The following PRKCZ variants were observed in gnomAD, a reference collection of about 807,000 sequenced individuals.
The protein encoded by PRKCZ is protein kinase C zeta.
A neutral mutation model predicts 79.5 loss-of-function variants in PRKCZ; 33 were observed. The ratio of observed to expected loss-of-function variants is 0.41; its 90% CI spans 0.31 to 0.55. PRKCZ has a LOEUF of 0.55. Among genes scored for constraint, PRKCZ ranks in the 20% least tolerant of loss-of-function variants. PRKCZ has a pLI of 0.19. For missense variants in PRKCZ, 578 were observed against 813.5 expected (o/e 0.71, Z 3.52); for synonymous variants, 342 against 320.9 (o/e 1.07, Z -0.70).
At chr1:2,062,413 A>G (rs1168804534) in intron 4 of PRKCZ, among the ~76,000 whole-genome samples, 1 of 151,166 alleles carries the variant, frequency 6.6e-6, no homozygotes, top group Admixed American at 6.6e-5. Context: ...ATGATGGGGC[A>G]TTCTTGGCGC....
At chr1:2,093,068 T>A (rs9729600) in intron 4 of PRKCZ, among the ~76,000 whole-genome samples, 1 of 152,224 alleles carries the variant, frequency 6.6e-6, no homozygotes, top group Non-Finnish European at 1.5e-5. Context: ...GAGATGCCAA[T>A]GTGATGGGTG....
At chr1:2,071,350 G>A (rs1199606180) in intron 4 of PRKCZ, 1 of 468,536 alleles carries the variant, frequency 2.1e-6, no homozygotes, top group South Asian at 1.5e-5. Flanking sequence ...CCAGGCCCCG[G>A]CGGCGTCTGA....
intron 4 of PRKCZ, among the ~76,000 whole-genome samples, chr1:2,132,440 G>C (rs945870570): frequency 6.6e-6 from 1 of 152,212 alleles, no homozygotes; most frequent in Admixed American, 6.5e-5. Context: ...GAGCTGCGAG[G>C]CTCTCCCAGA....
chr1:2,118,917 C>T (rs917790923), intron 4 of PRKCZ, among the ~76,000 whole-genome samples: 3 of 151,932 alleles, frequency 2.0e-5, no homozygotes, highest in Non-Finnish European at 4.4e-5. Flanking sequence ...AGATTTAGTC[C>T]GTTTACATTT....
At chr1:2,053,879 T>C (rs912285131) in intron 1 of PRKCZ, among the ~76,000 whole-genome samples, 2 of 152,196 alleles carry the variant, frequency 1.3e-5, no homozygotes, top group African/African-American at 4.8e-5. Context: ...TGCTGTGGGC[T>C]GTGGCGAAGA....
chr1:2,094,447 G>A lies in PRKCZ; in HGVS notation c.334+34856G>A, dbSNP rs35994109. ...GGGCGCTGCCCGTTCTGAGGCACCC[G>A]CTGTGCCCGGCTCGTTGAACCTTGG... is the stretch of plus-strand genomic sequence containing the variant. On this transcript the variant is annotated intron_variant, in intron 4 of 17. Transcript: ENST00000378567. The surrounding 1 kb of genome is among the most constrained non-coding windows in gnomAD (Gnocchi z 7.3). 0.092 allele frequency among the ~76,000 whole-genome samples: 13,239 copies of A among 143,286 alleles called. 764 individuals carry two copies. Among genetic ancestry groups the A allele is most frequent in the Middle Eastern group, 0.14 (41 of 286 alleles). 94.0% of individuals were successfully genotyped at this position (143,286 alleles called of 152,430 possible). A position where few individuals can be genotyped will look rare whatever the true frequency, so the allele number is the denominator to read the frequency against.
chr1:2,100,806 G>C (rs1352348443), intron 4 of PRKCZ, among the ~76,000 whole-genome samples: 2 of 151,972 alleles, frequency 1.3e-5, no homozygotes, highest in African/African-American at 4.8e-5. Flanking sequence ...AGGGAGTTTT[G>C]GTCTTGCTAG....
chr1:2,166,840 C>T (rs1260939248), intron 10 of PRKCZ, among the ~76,000 whole-genome samples: 1 of 152,246 alleles, frequency 6.6e-6, no homozygotes, highest in Non-Finnish European at 1.5e-5. Flanking sequence ...CCTGGCCTGG[C>T]CTTGCGCCCC....
At chr1:2,090,370 C>T (rs1454335803) in intron 4 of PRKCZ, among the ~76,000 whole-genome samples, 1 of 152,180 alleles carries the variant, frequency 6.6e-6, no homozygotes, top group Non-Finnish European at 1.5e-5. Flanking sequence ...TTGTAGCCGT[C>T]AGGGAGCACC....
At chr1:2,146,514 T>C (rs1678562723) in intron 7 of PRKCZ, among the ~76,000 whole-genome samples, 1 of 152,262 alleles carries the variant, frequency 6.6e-6, no homozygotes, top group Non-Finnish European at 1.5e-5. Context: ...GCGAGGTGGC[T>C]GCTGCACACA....
intron 4 of PRKCZ, among the ~76,000 whole-genome samples, chr1:2,093,443 G>A (rs1177158384): frequency 1.3e-5 from 2 of 152,128 alleles, no homozygotes; most frequent in African/African-American, 2.4e-5. Flanking sequence ...ACTCTGGGAC[G>A]CTGTGACTTG....
chr1:2,149,915 TTGGGAAGC>T lies in PRKCZ; in HGVS notation c.688-872_688-865del, dbSNP rs1170643796. Among the ~76,000 whole-genome samples, 2 of 149,690 alleles carry T rather than the reference TTGGGAAGC, an allele frequency of 1.3e-5. No individual in the cohort carries two copies. Among genetic ancestry groups the T allele is most frequent in the Non-Finnish European group, 3.0e-5 (2 of 67,584 alleles). On this transcript the variant is annotated intron_variant, in intron 8 of 17. Transcript: ENST00000378567. This position sits in a 1 kb window ranked among gnomAD's most constrained non-coding sequence, Gnocchi z 4.1. ...GGCTCACGCCTGTAATCCCAGCACT[TTGGGAAGC>T]TGAGGCGGGCAGATCACGAGGTCAG...
intron 4 of PRKCZ, among the ~76,000 whole-genome samples, chr1:2,133,182 T>G (rs1437967820): frequency 6.6e-6 from 1 of 152,196 alleles, no homozygotes; most frequent in African/African-American, 2.4e-5. Context: ...GTGGGTCCTG[T>G]GTGTCCCCGC....
At chr1:2,074,110 C>T in intron 4 of PRKCZ, 1 of 1,512,626 alleles carries the variant, frequency 6.6e-7, no homozygotes, top group Non-Finnish European at 8.9e-7. Flanking sequence ...GGTGCCACGG[C>T]CCGGGGAAGG....
intron 4 of PRKCZ, among the ~76,000 whole-genome samples, chr1:2,113,500 G>A (rs942067685): frequency 2.0e-5 from 3 of 152,172 alleles, no homozygotes; most frequent in African/African-American, 7.2e-5. Flanking sequence ...CCAGAAACTC[G>A]GAAGTGGCAC....
chr1:2,166,683 C>T (rs1267684288), intron 10 of PRKCZ, among the ~76,000 whole-genome samples: 5 of 152,062 alleles, frequency 3.3e-5, no homozygotes, highest in Non-Finnish European at 5.9e-5. Context: ...CAGCCCCCCC[C>T]AGGCCACGAC....
intron 5 of PRKCZ, among the ~76,000 whole-genome samples, chr1:2,136,472 A>AT (rs1676219457): frequency 2.0e-5 from 3 of 152,180 alleles, no homozygotes; most frequent in African/African-American, 7.2e-5. Flanking sequence ...GCATCTGATC[A>AT]TACTGCCTGG....
intron 4 of PRKCZ, among the ~76,000 whole-genome samples, chr1:2,090,125 T>C (rs1665237379): frequency 6.6e-6 from 1 of 152,220 alleles, no homozygotes; most frequent in Non-Finnish European, 1.5e-5. Flanking sequence ...TCTGCTGTAA[T>C]GACCTCACTC....
chr1:2,087,233 C>T (rs994804079), intron 4 of PRKCZ, among the ~76,000 whole-genome samples: 4 of 152,080 alleles, frequency 2.6e-5, no homozygotes, highest in African/African-American at 9.7e-5. Flanking sequence ...CAGGCACCCA[C>T]CACCACACCC....
Sources: allele counts gnomAD v4.1 joint callset (sites outside exome capture counted in the v4.1 genomes callset), GRCh38; gene constraint gnomAD v4.1.1; non-coding constraint Gnocchi (gnomAD v3.1); transcripts MANE v1.5; gene names NCBI Gene and HGNC (gene_info 2026-07-23, HGNC 2026-07-21).